The following LHFPL3 variants were observed in gnomAD, a reference collection of about 807,000 sequenced individuals.
LHFPL3 encodes LHFPL tetraspan subfamily member 3, also known as LHFPL tetraspan subfamily member 3 protein.
Under a neutral mutation model 19.3 loss-of-function variants are expected in LHFPL3, and 5 were observed. The observed-to-expected ratio is 0.26, with a 90% CI of 0.14 to 0.54. The LOEUF (loss-of-function observed/expected upper bound fraction) is 0.54. LHFPL3 is among the 20% of genes least tolerant of loss of function. The probability of loss-of-function intolerance (pLI) is 0.94; values close to 1 mark genes in which losing one functional copy is unlikely to be tolerated. For synonymous variants in LHFPL3, 133 were observed against 126.2 expected (o/e 1.05, Z -0.36); for missense variants, 249 against 307.4 (o/e 0.81, Z 1.42).
At chr7:104,697,083 A>T (rs1290104365) in intron 1 of LHFPL3, among the ~76,000 whole-genome samples, 1 of 152,170 alleles carries the variant, frequency 6.6e-6, no homozygotes, top group East Asian at 1.9e-4. Context: ...CAGAGTCCCT[A>T]TAAGGCATTC....
At chr7:104,681,632 G>C (rs760671410) in intron 1 of LHFPL3, among the ~76,000 whole-genome samples, 2 of 146,702 alleles carry the variant, frequency 1.4e-5, no homozygotes, top group Non-Finnish European at 3.0e-5. Flanking sequence ...AAAAAAAAAA[G>C]GAAGGGAGGG....
At chr7:104,438,613 A>G (rs934383158) in intron 1 of LHFPL3, among the ~76,000 whole-genome samples, 1 of 152,186 alleles carries the variant, frequency 6.6e-6, no homozygotes, top group Non-Finnish European at 1.5e-5. Flanking sequence ...TATAGCTTAC[A>G]TTGTATTATA....
intron 1 of LHFPL3, among the ~76,000 whole-genome samples, chr7:104,351,026 C>G: frequency 7.4e-6 from 1 of 135,616 alleles, no homozygotes; most frequent in South Asian, 2.4e-4. Flanking sequence ...GGCAACAGAG[C>G]AAGACTCCCT....
intron 1 of LHFPL3, among the ~76,000 whole-genome samples, chr7:104,664,169 T>C (rs548593198): frequency 1.3e-5 from 2 of 152,328 alleles, no homozygotes; most frequent in South Asian, 2.1e-4. Context: ...TTTTGTCCAC[T>C]AGAGCTAGAA....
At chr7:104,333,942 C>T (rs1801615081) in intron 1 of LHFPL3, among the ~76,000 whole-genome samples, 1 of 152,174 alleles carries the variant, frequency 6.6e-6, no homozygotes, top group Non-Finnish European at 1.5e-5. Context: ...GACTGTGTGA[C>T]CTGGAGAATT....
intron 1 of LHFPL3, among the ~76,000 whole-genome samples, chr7:104,446,406 T>C (rs1792330910): frequency 6.6e-6 from 1 of 152,186 alleles, no homozygotes; most frequent in African/African-American, 2.4e-5. Context: ...GATTTCCAAG[T>C]TGTAGTCACC....
rs1315296892 is a variant in LHFPL3 at position 104,471,925 on chromosome 7, C to G, written c.445+142701C>G. On this transcript the variant is annotated intron_variant, in intron 1 of 2. Transcript: ENST00000424859. ...ACATGCAATGGCCCTTGCTTGTAAA[C>G]CCAGCACTTCAGGAGGCCGAGGCAG... is the stretch of plus-strand genomic sequence containing the variant. Among the ~76,000 whole-genome samples the G allele has an allele frequency of 3.3e-5, 5 of 152,100 alleles. No homozygotes were observed. In the East Asian group the frequency reaches 9.6e-4, roughly 29 times the overall value.
At chr7:104,585,480 A>AACACACACGCAC (rs1790552595) in intron 1 of LHFPL3, among the ~76,000 whole-genome samples, 1 of 123,362 alleles carries the variant, frequency 8.1e-6, no homozygotes, top group South Asian at 3.0e-4. Context: ...AACACACACA[A>AACACACACGCAC]ACACACACAC....
chr7:104,593,206 T>G (rs1435491145), intron 1 of LHFPL3, among the ~76,000 whole-genome samples: 7 of 152,192 alleles, frequency 4.6e-5, no homozygotes, highest in Non-Finnish European at 1.0e-4. Flanking sequence ...ACACACTGTT[T>G]TGAGTGTGTC....
chr7:104,695,267 A>C (rs1017757425), intron 1 of LHFPL3, among the ~76,000 whole-genome samples: 2 of 152,206 alleles, frequency 1.3e-5, no homozygotes, highest in Non-Finnish European at 2.9e-5. Flanking sequence ...CACCAGGCCA[A>C]TTTGTCCAGT....
chr7:104,483,576 G>A (rs1440804879), intron 1 of LHFPL3, among the ~76,000 whole-genome samples: 2 of 152,136 alleles, frequency 1.3e-5, no homozygotes, highest in Admixed American at 1.3e-4. Flanking sequence ...CTTCCTTCAA[G>A]TGATGTAGTA....
chr7:104,566,810 A>G (rs1337595802), intron 1 of LHFPL3, among the ~76,000 whole-genome samples: 1 of 152,234 alleles, frequency 6.6e-6, no homozygotes, highest in Admixed American at 6.5e-5. Context: ...CTGTTTATTC[A>G]AGCACCAAAG....
rs762959363 is a variant in LHFPL3 at position 104,328,743 on chromosome 7, G to A, written c.-37G>A. The A allele has an allele frequency of 2.6e-5, 39 of 1,506,602 alleles. No homozygotes were observed. The African/African-American group carries it at 5.2e-4, about 20-fold the overall frequency. The allele number at this position is 1,506,602 out of a possible 1,614,324, so 93.3% of individuals were successfully genotyped here. On this transcript the variant is annotated 5_prime_UTR_variant, in exon 1 of 3. Transcript: ENST00000424859. This position sits in a 1 kb window ranked among gnomAD's most constrained non-coding sequence, Gnocchi z 4.6. The stretch of plus-strand genomic sequence containing the variant: ...CGCTGAGAGGCGGGGGGAGGCGGAG[G>A]ACCAGGAGGAGGAGGAGGAGGAGGA...
chr7:104,491,603 G>A (rs1303186733), intron 1 of LHFPL3, among the ~76,000 whole-genome samples: 1 of 152,128 alleles, frequency 6.6e-6, no homozygotes, highest in Admixed American at 6.6e-5. Context: ...TCAGATCACA[G>A]TAGGTGAGAG....
intron 1 of LHFPL3, chr7:104,668,218 A>G (rs541706999): frequency 1.1e-5 from 17 of 1,613,456 alleles, no homozygotes; most frequent in Admixed American, 1.7e-5. Flanking sequence ...CTGAGTCTCA[A>G]TGAAGAGTCT....
At chr7:104,558,756 T>C (rs1789919495) in intron 1 of LHFPL3, among the ~76,000 whole-genome samples, 1 of 149,072 alleles carries the variant, frequency 6.7e-6, no homozygotes, top group South Asian at 2.1e-4. Context: ...TCCTTGCCCA[T>C]GCCTATGTCC....
intron 1 of LHFPL3, among the ~76,000 whole-genome samples, chr7:104,464,830 C>T (rs78642121): frequency 3.3e-5 from 5 of 149,584 alleles, no homozygotes; most frequent in Non-Finnish European, 5.9e-5. Context: ...TCTGACTTGC[C>T]CTGGAGACAT....
chr7:104,521,254 G>T (rs931267903), intron 1 of LHFPL3, among the ~76,000 whole-genome samples: 1 of 152,144 alleles, frequency 6.6e-6, no homozygotes, highest in South Asian at 2.1e-4. Flanking sequence ...GTAGTTGAGT[G>T]GTTTTGAGTG....
intron 1 of LHFPL3, among the ~76,000 whole-genome samples, chr7:104,614,589 CTCTCT>C (rs148097671): frequency 0.016 from 993 of 63,608 alleles, 102 homozygotes; most frequent in African/African-American, 0.036. Context: ...CTTCTCTTCT[CTCTCT>C]TCTCTTCTCT....
Sources: gnomAD v4.1 joint callset for allele counts (sites outside exome capture counted in the v4.1 genomes callset) on GRCh38, gnomAD v4.1.1 for gene constraint, Gnocchi (gnomAD v3.1) non-coding constraint, MANE v1.5 for transcripts, NCBI Gene and HGNC (gene_info 2026-07-23, HGNC 2026-07-21) for gene names.